Variants in COL19A1 observed in about 807,000 individuals in gnomAD.
COL19A1 encodes the protein collagen alpha-1(XIX) chain.
In COL19A1, 159 loss-of-function variants were observed where a neutral mutation model predicts 190.2. The ratio of observed to expected loss-of-function variants is 0.84; its 90% CI spans 0.73 to 0.95. COL19A1 has a LOEUF of 0.95. Ranked by LOEUF, COL19A1 falls within the 40% of genes least tolerant of loss-of-function variation. The pLI is 0.00. For missense variants in COL19A1, 1,418 were observed against 1,431.9 expected (o/e 0.99, Z 0.16); for synonymous variants, 509 against 458.9 (o/e 1.11, Z -1.39).
At chr6:70,130,521 C>T (rs888979511) in intron 18 of COL19A1, among the ~76,000 whole-genome samples, 3 of 152,198 alleles carry the variant, frequency 2.0e-5, no homozygotes, top group Non-Finnish European at 4.4e-5. Context: ...CCACTGCACC[C>T]GGCAGTAATC....
intron 9 of COL19A1, among the ~76,000 whole-genome samples, chr6:69,951,849 C>T (rs574075528): frequency 1.8e-4 from 27 of 151,884 alleles, no homozygotes; most frequent in Admixed American, 4.6e-4. Flanking sequence ...TAACTTGGTA[C>T]GGAGAAAATA....
At chr6:70,071,573 A>T (rs1781559628) in intron 15 of COL19A1, among the ~76,000 whole-genome samples, 1 of 151,888 alleles carries the variant, frequency 6.6e-6, no homozygotes, top group Non-Finnish European at 1.5e-5. Context: ...TTATTTATTT[A>T]TTTACTTTGT....
intron 8 of COL19A1, among the ~76,000 whole-genome samples, 177 bp downstream of exon 8, chr6:69,937,087 T>C (rs1387163868): frequency 1.3e-5 from 2 of 152,120 alleles, no homozygotes; most frequent in East Asian, 3.8e-4. Context: ...CCTGGATTCT[T>C]ACCTGGATAG....
intron 48 of COL19A1, among the ~76,000 whole-genome samples, chr6:70,192,798 T>C (rs1766966515): frequency 1.3e-5 from 2 of 152,238 alleles, no homozygotes; most frequent in African/African-American, 2.4e-5. Flanking sequence ...AGCCCGGACA[T>C]GCTAGTCCTG....
intron 48 of COL19A1, among the ~76,000 whole-genome samples, chr6:70,198,948 G>A (rs1341300358): frequency 6.6e-6 from 1 of 152,180 alleles, no homozygotes; most frequent in Non-Finnish European, 1.5e-5. Flanking sequence ...CTGGCAGGTA[G>A]CATCAGTTCT....
chr6:70,060,613 G>A (rs1780773719), intron 14 of COL19A1, among the ~76,000 whole-genome samples: 1 of 152,126 alleles, frequency 6.6e-6, no homozygotes, highest in Non-Finnish European at 1.5e-5. Flanking sequence ...GATCTAGGTT[G>A]CGTGCTGCTT....
intron 12 of COL19A1, among the ~76,000 whole-genome samples, chr6:70,032,336 A>G (rs952480960): frequency 1.3e-5 from 2 of 152,224 alleles, no homozygotes; most frequent in East Asian, 1.9e-4. Flanking sequence ...GCCATGGTCC[A>G]GGTCTAGCTG....
chr6:69,886,125 C>T (rs901085185), intron 2 of COL19A1, among the ~76,000 whole-genome samples: 5 of 152,096 alleles, frequency 3.3e-5, no homozygotes, highest in Non-Finnish European at 7.4e-5. Context: ...ATTTTTAAAA[C>T]TCAATATCAG....
chr6:70,165,277 T>C (rs943611468), intron 36 of COL19A1, among the ~76,000 whole-genome samples: 5 of 152,226 alleles, frequency 3.3e-5, no homozygotes, highest in African/African-American at 1.2e-4. Flanking sequence ...TCAACTTGAA[T>C]TCATTTTCAC....
At chr6:70,079,053 G>A (rs891845064) in intron 15 of COL19A1, among the ~76,000 whole-genome samples, 3 of 152,138 alleles carry the variant, frequency 2.0e-5, no homozygotes, top group Admixed American at 6.6e-5. Context: ...GGCGACAAAG[G>A]AGACTCTATC....
At chr6:69,933,685 G>A (rs956716310) in intron 7 of COL19A1, among the ~76,000 whole-genome samples, 1 of 151,996 alleles carries the variant, frequency 6.6e-6, no homozygotes, top group Non-Finnish European at 1.5e-5. Flanking sequence ...ATCTCTCAGT[G>A]TAATGGCCGT....
At position 69,929,446 on chromosome 6, in the gene COL19A1, G is replaced by A; in HGVS notation, c.412G>A (p.Gly138Arg). ...GCAGATTTCTATAGTAGTTGATGGT[G>A]GAAAGAAGGTGGTGGAATTTATGTT... Reference protein sequence around the residue: ...IPQISIVVDGGKKVVEFMFQA... With the variant: ...IPQISIVVDGRKKVVEFMFQA... The change falls in exon 6 of 51, where the codon GGA (glycine) becomes AGA (arginine). Residue 138 changes from glycine to arginine, a missense_variant. Physicochemically the swap from Gly to Arg is moderately radical, Grantham distance 125 (BLOSUM62 -2). Transcript: ENST00000620364. 1 of 1,613,868 alleles carries A rather than the reference G, an allele frequency of 6.2e-7. No homozygotes were observed. The highest frequency in any genetic ancestry group is 1.7e-4 in the Middle Eastern group (1 of 6,052).
intron 4 of COL19A1, among the ~76,000 whole-genome samples, chr6:69,915,801 T>C (rs2149992194): frequency 6.6e-6 from 1 of 152,320 alleles, no homozygotes; most frequent in Admixed American, 6.5e-5. Context: ...GTATTACTTT[T>C]CATTAGGAAA....
At position 70,137,802 on chromosome 6, in the gene COL19A1, A is replaced by G. The variant is rs1785963536; in HGVS notation, c.1446+55A>G. On this transcript the variant is annotated intron_variant, in intron 19 of 50. Transcript: ENST00000620364. ...AGAATATCTAAAAAACGGGATTAAA[A>G]ATACGTTTCCAAATCAGCCCCAATT... The G allele has an allele frequency of 1.9e-6, 3 of 1,570,312 alleles. No homozygotes were observed. The South Asian group carries it at 3.3e-5, about 17-fold the overall frequency.
intron 4 of COL19A1, among the ~76,000 whole-genome samples, chr6:69,901,995 T>G (rs905178793): frequency 6.6e-6 from 1 of 152,230 alleles, no homozygotes; most frequent in Non-Finnish European, 1.5e-5. Context: ...ATTTGTTTTC[T>G]GAATTTTGGG....
chr6:70,082,525 G>A (rs1453734047), intron 15 of COL19A1, among the ~76,000 whole-genome samples: 1 of 152,104 alleles, frequency 6.6e-6, no homozygotes, highest in South Asian at 2.1e-4. Flanking sequence ...CGATTCTCCT[G>A]TCTCAGCCTC....
intron 46 of COL19A1, among the ~76,000 whole-genome samples, chr6:70,185,683 G>T (rs1766469172): frequency 1.3e-5 from 2 of 151,948 alleles, no homozygotes; most frequent in Admixed American, 6.6e-5. Context: ...ATTTCCACTA[G>T]AATTAATAGA....
chr6:70,157,595 T>C (rs1241441243), intron 34 of COL19A1, among the ~76,000 whole-genome samples: 1 of 152,136 alleles, frequency 6.6e-6, no homozygotes. Context: ...TTCTAATTAA[T>C]ATTGCTTGTA....
At chr6:69,943,504 T>C (rs1301293178) in intron 9 of COL19A1, among the ~76,000 whole-genome samples, 1 of 152,158 alleles carries the variant, frequency 6.6e-6, no homozygotes, top group East Asian at 1.9e-4. Flanking sequence ...CAAAGCATTT[T>C]CCATACATTT....
Sources: gnomAD v4.1 joint callset for allele counts (sites outside exome capture counted in the v4.1 genomes callset) on GRCh38, gnomAD v4.1.1 for gene constraint, MANE v1.5 for transcripts, NCBI Gene and HGNC (gene_info 2026-07-23, HGNC 2026-07-21) for gene names.